FBXO41: variants seen among roughly 807,000 people sequenced by gnomAD.
The protein encoded by FBXO41 is F-box protein 41.
Under a neutral mutation model 81.6 loss-of-function variants are expected in FBXO41, and 33 were observed. The observed-to-expected ratio is 0.40, with a 90% CI of 0.31 to 0.54. The LOEUF is 0.54. Ranked by LOEUF, FBXO41 falls within the 20% of genes least tolerant of loss-of-function variation. The pLI is 0.39. For missense variants in FBXO41, 1,107 were observed against 1,236.0 expected, an observed-to-expected ratio of 0.90 and a Z score of 1.56; for synonymous variants, 576 against 552.7, an observed-to-expected ratio of 1.04 and a Z score of -0.59.
intron 6 of FBXO41, 23 bp from the exon 7 acceptor site, chr2:73,264,076 T>G: frequency 6.4e-7 from 1 of 1,569,992 alleles, no homozygotes; most frequent in Non-Finnish European, 8.6e-7. Context: ...GGAAGGACAT[T>G]TGGAGATGAA....
chr2:73,262,025 T>C (rs1688037670), intron 9 of FBXO41, among the ~76,000 whole-genome samples: 1 of 152,152 alleles, frequency 6.6e-6, no homozygotes, highest in South Asian at 2.1e-4. Context: ...GAGTTTGAGA[T>C]CAGGCTGGCC....
intron 1 of FBXO41, chr2:73,271,171 G>T (rs1281481607): frequency 3.0e-6 from 1 of 336,610 alleles, no homozygotes; most frequent in South Asian, 2.3e-5. Flanking sequence ...CTGACCTGCC[G>T]CATAGTTGTG....
In FBXO41 at chr2:73,258,662, T is replaced by C; in HGVS notation, c.*320A>G. On this transcript the variant is annotated 3_prime_UTR_variant, in exon 13 of 13. Coordinates refer to ENST00000520530, the MANE Select transcript of FBXO41 (RefSeq NM_001371389.2). ...CAGCTGAGGAGCCACTGGGTGGTTA[T>C]TGCAGATCCTCCAGGTGATGACACC... 1 of 342,082 alleles carries C rather than the reference T, an allele frequency of 2.9e-6. No homozygotes were observed. Among genetic ancestry groups the C allele is most frequent in the East Asian group, 4.5e-5 (1 of 22,250 alleles). The allele number at this position is 342,082 out of a possible 1,614,324, so 21.2% of individuals were successfully genotyped here. A position where few individuals can be genotyped will look rare whatever the true frequency, so the allele number is the denominator to read the frequency against.
rs934325279 is a variant in FBXO41, at chr2:73,254,845, C to G, written c.*4137G>C. ...CTGGGATGGCGATGCCTGGGTGGGGCAGAGAAGTGTGGCCAGGGAAGGCCC... is the reference window on the plus strand; with the variant it reads ...CTGGGATGGCGATGCCTGGGTGGGGGAGAGAAGTGTGGCCAGGGAAGGCCC... On this transcript the variant is annotated 3_prime_UTR_variant, in exon 13 of 13. Transcript: ENST00000520530. 1.3e-5 allele frequency: 2 copies of G among 152,692 alleles called. No homozygotes were observed. The highest frequency in any genetic ancestry group is 2.9e-5 in the Non-Finnish European group (2 of 68,068). 9.5% of individuals were successfully genotyped at this position (152,692 alleles called of 1,614,324 possible). A position where few individuals can be genotyped will look rare whatever the true frequency, so the allele number is the denominator to read the frequency against.
intron 1 of FBXO41, among the ~76,000 whole-genome samples, chr2:73,280,537 T>C (rs565527242): frequency 1.3e-5 from 2 of 152,354 alleles, no homozygotes; most frequent in South Asian, 4.1e-4. Context: ...ATGTGTGTTC[T>C]TAGGGTGCCC....
Position 73,260,937 on chromosome 2 carries a change from TC to T in FBXO41, c.2172-80del. The T allele has an allele frequency of 8.2e-7, 1 of 1,224,050 alleles. No homozygotes were observed. Among genetic ancestry groups the T allele is most frequent in the Non-Finnish European group, 1.1e-6 (1 of 878,078 alleles). The allele number at this position is 1,224,050 out of a possible 1,614,324, so 75.8% of individuals were successfully genotyped here. On this transcript the variant is annotated intron_variant, in intron 9 of 12. Coordinates refer to ENST00000520530, the MANE Select transcript of FBXO41 (RefSeq NM_001371389.2). This position sits in a 1 kb window ranked among gnomAD's most constrained non-coding sequence, Gnocchi z 5.0. The stretch of plus-strand genomic sequence containing the variant: ...CAGCATGCTCCTCCTGTGGGACCCC[TC>T]CCTGACTCAGGCAAGCATTCCTCCA...
At chr2:73,276,274 G>A (rs1041505088) in intron 1 of FBXO41, among the ~76,000 whole-genome samples, 1 of 151,252 alleles carries the variant, frequency 6.6e-6, no homozygotes, top group Non-Finnish European at 1.5e-5. Context: ...GACGGGCATG[G>A]TGGCAGGTGG....
rs1441791670 is a variant in FBXO41, at chr2:73,260,179, G to A, written c.2449+210C>T. On this transcript the variant is annotated intron_variant, in intron 11 of 12. Transcript: ENST00000520530. The surrounding 1 kb of genome is among the most constrained non-coding windows in gnomAD (Gnocchi z 5.0). ...AGGACTCAGAGAGGTATAGTAACTTGCCCAACATCACTCAGCTAATAAGTA... is the reference window on the plus strand; with the variant it reads ...AGGACTCAGAGAGGTATAGTAACTTACCCAACATCACTCAGCTAATAAGTA... Among the ~76,000 whole-genome samples, 1 of 152,138 alleles carries A rather than the reference G, an allele frequency of 6.6e-6. No homozygotes were observed. Among genetic ancestry groups the A allele is most frequent in the Non-Finnish European group, 1.5e-5 (1 of 68,020 alleles).
In FBXO41 at chr2:73,260,313, ATAGT is replaced by A. The variant is rs947956840; in HGVS notation, c.2449+72_2449+75del. On this transcript the variant is annotated intron_variant, in intron 11 of 12. Transcript: ENST00000520530. This position sits in a 1 kb window ranked among gnomAD's most constrained non-coding sequence, Gnocchi z 5.0. ...AGACTCTGATCCATCTGCCCCAGTG[ATAGT>A]TAGGATACCTGCTGACAGGGCCCCG... 2.5e-5 allele frequency: 38 copies of A among 1,522,798 alleles called. No individual in the cohort carries two copies. Among genetic ancestry groups the A allele is most frequent in the Non-Finnish European group, 2.9e-5 (33 of 1,125,234 alleles). The allele number at this position is 1,522,798 out of a possible 1,614,324, so 94.3% of individuals were successfully genotyped here.
At chr2:73,263,079 C>A in intron 9 of FBXO41, 134 bp downstream of exon 9, 1 of 672,846 alleles carries the variant, frequency 1.5e-6, no homozygotes, top group Non-Finnish European at 2.4e-6. Context: ...GCTCCTAATG[C>A]CTCAATGGAC....
In FBXO41 at chr2:73,259,099, C is replaced by G. The variant is rs1219992301; in HGVS notation, c.2566-55G>C. ...CTCCGTGCCAGGCAGGTGGGGCCCT[C>G]CTGCCACACTCACCCAGGTCACCAG... On this transcript the variant is annotated intron_variant, in intron 12 of 12. Coordinates refer to ENST00000520530, the MANE Select transcript of FBXO41 (RefSeq NM_001371389.2). The surrounding 1 kb of genome is among the most constrained non-coding windows in gnomAD (Gnocchi z 4.2). 1.2e-6 allele frequency: 2 copies of G among 1,609,096 alleles called. No individual in the cohort carries two copies. Among genetic ancestry groups the G allele is most frequent in the African/African-American group, 2.7e-5 (2 of 74,872 alleles).
In FBXO41 at chr2:73,269,726, G is replaced by A; in HGVS notation, c.-96C>T. On this transcript the variant is annotated 5_prime_UTR_variant, in exon 2 of 13. Coordinates refer to ENST00000520530, the MANE Select transcript of FBXO41 (RefSeq NM_001371389.2). The surrounding 1 kb of genome is among the most constrained non-coding windows in gnomAD (Gnocchi z 7.0). Reference sequence around the variant, plus strand: ...GGGACCGCGGGCGAGGCCCCCTGCGGGGTCAGGAAGGCTCAGGGCGCCCGC... The same window carrying A: ...GGGACCGCGGGCGAGGCCCCCTGCGAGGTCAGGAAGGCTCAGGGCGCCCGC... 1.1e-6 allele frequency: 1 copy of A among 917,132 alleles called. No homozygotes were observed. Among genetic ancestry groups the A allele is most frequent in the Non-Finnish European group, 1.4e-6 (1 of 740,560 alleles). 56.8% of individuals were successfully genotyped at this position (917,132 alleles called of 1,614,324 possible). A position where few individuals can be genotyped will look rare whatever the true frequency, so the allele number is the denominator to read the frequency against.
chr2:73,276,042 T>TC (rs1688672326), intron 1 of FBXO41, among the ~76,000 whole-genome samples: 1 of 150,746 alleles, frequency 6.6e-6, no homozygotes, highest in Non-Finnish European at 1.5e-5. Flanking sequence ...TGCCTCTGCC[T>TC]CCCAAAGTGC....
At chr2:73,271,209 A>T in intron 1 of FBXO41, 1 of 320,902 alleles carries the variant, frequency 3.1e-6, no homozygotes, top group South Asian at 2.5e-5. Flanking sequence ...CACAGGATGT[A>T]TGGGTGGATG....
intron 1 of FBXO41, among the ~76,000 whole-genome samples, chr2:73,283,663 G>C (rs981397014): frequency 6.6e-6 from 1 of 152,342 alleles, no homozygotes; most frequent in South Asian, 2.1e-4. Flanking sequence ...CACTGGATGT[G>C]AAGAGACAGA....
In FBXO41 at chr2:73,269,208, TGCG is replaced by T; in HGVS notation, c.420_422del (p.Ala143del). On this transcript the variant is annotated inframe_deletion, in exon 2 of 13. Transcript: ENST00000520530. The surrounding 1 kb of genome is among the most constrained non-coding windows in gnomAD (Gnocchi z 7.0). ...TCTCGCGCAGCGCATAGCGCGCTGC[TGCG>T]GCGGGCACAAGGCCCGGCTCGGCCA... is the stretch of plus-strand genomic sequence containing the variant. The T allele has an allele frequency of 6.6e-7, 1 of 1,524,552 alleles. No homozygotes were observed. Among genetic ancestry groups the T allele is most frequent in the Non-Finnish European group, 8.8e-7 (1 of 1,138,030 alleles). The allele number at this position is 1,524,552 out of a possible 1,614,324, so 94.4% of individuals were successfully genotyped here.
rs370814153 is a variant in FBXO41, at chr2:73,259,233, G to T, written c.2513C>A (p.Pro838His). ...QIGIADYFKE[P>H]SSPEAQKLFE... ...CAGCTTCTGGGCCTCAGGGCTGCTG[G>T]GCTCTTTGAAATAATCCGCAATCCC... The change falls in exon 12 of 13, where the codon CCC becomes CAC. Residue 838 changes from proline to histidine, a missense_variant. Pro to His is a moderately conservative substitution (Grantham distance 77). This residue lies in a region of FBXO41 where 336 missense variants were observed against 446.7 expected (regional missense o/e 0.75). Transcript: ENST00000520530. The surrounding 1 kb of genome is among the most constrained non-coding windows in gnomAD (Gnocchi z 4.2). 4.3e-6 allele frequency: 7 copies of T among 1,613,884 alleles called. No homozygotes were observed. Among genetic ancestry groups the T allele is most frequent in the African/African-American group, 1.3e-5 (1 of 74,914 alleles).
In FBXO41 at chr2:73,265,346, G is replaced by T; in HGVS notation, c.1500C>A (p.Gly500=). Residue 500 remains glycine (G), a synonymous_variant, in exon 5 of 13, where the codon GGC becomes GGA. Transcript: ENST00000520530. ...GCCCGGGGCGGGGCGCATCCAACGG[G>T]CCCTCAGCCTCTGACTCAGTGGTTC... The part of the protein sequence containing the change: ...GSRTTESEAE[G]PLDAPRPGPA... 6.2e-7 allele frequency: 1 copy of T among 1,611,896 alleles called. No homozygotes were observed.
intron 1 of FBXO41, among the ~76,000 whole-genome samples, chr2:73,281,439 T>C (rs1352131634): frequency 6.6e-6 from 1 of 152,206 alleles, no homozygotes; most frequent in African/African-American, 2.4e-5. Flanking sequence ...CCTGTCCTTA[T>C]GTGCTCTCCT....
Sources: allele counts gnomAD v4.1 joint callset (sites outside exome capture counted in the v4.1 genomes callset), GRCh38; gene constraint gnomAD v4.1.1; regional missense constraint gnomAD v4.1.1; non-coding constraint Gnocchi (gnomAD v3.1); transcripts MANE v1.5; gene names NCBI Gene and HGNC (gene_info 2026-07-23, HGNC 2026-07-21).